COP1: variants seen among roughly 807,000 people sequenced by gnomAD.
The protein encoded by COP1 is COP1 E3 ubiquitin ligase, also known as E3 ubiquitin-protein ligase COP1.
In COP1, 24 loss-of-function variants were observed where a neutral mutation model predicts 101.3. That is an observed-to-expected ratio of 0.24 (90% CI 0.17 to 0.33). The LOEUF (loss-of-function observed/expected upper bound fraction) is 0.33. Among genes scored for constraint, COP1 ranks in the 10% least tolerant of loss-of-function variants. COP1 has a pLI of 1.00. For missense variants in COP1, 663 were observed against 906.2 expected (o/e 0.73, Z 3.45); for synonymous variants, 347 against 341.9 (o/e 1.01, Z -0.17).
intron 15 of COP1, among the ~76,000 whole-genome samples, chr1:175,996,954 C>A (rs1436960852): frequency 6.6e-6 from 1 of 151,488 alleles, no homozygotes; most frequent in East Asian, 1.9e-4. Flanking sequence ...AATCCTAAGC[C>A]AAAAGAACAA....
At chr1:176,058,089 G>A (rs1202971819) in intron 11 of COP1, among the ~76,000 whole-genome samples, 2 of 140,496 alleles carry the variant, frequency 1.4e-5, no homozygotes, top group Non-Finnish European at 3.2e-5. Context: ...GAGGTGGGGA[G>A]GTCAGCCCCC....
intron 6 of COP1, among the ~76,000 whole-genome samples, chr1:176,142,738 ATG>A (rs2149786639): frequency 6.6e-6 from 1 of 152,170 alleles, no homozygotes; most frequent in South Asian, 2.1e-4. Context: ...CAAAATCTCA[ATG>A]TTCAAGTAAT....
intron 1 of COP1, among the ~76,000 whole-genome samples, chr1:176,196,774 T>C (rs1699737725): frequency 6.6e-6 from 1 of 151,924 alleles, no homozygotes; most frequent in Admixed American, 6.6e-5. Flanking sequence ...GCACAGTGGT[T>C]CATGCCTATA....
At chr1:175,946,990 T>A (rs1649255875) in intron 19 of COP1, among the ~76,000 whole-genome samples, 1 of 152,174 alleles carries the variant, frequency 6.6e-6, no homozygotes, top group Non-Finnish European at 1.5e-5. Context: ...CCATCCAGCA[T>A]CCATACAACC....
chr1:175,990,681 T>C (rs989029215), intron 15 of COP1, among the ~76,000 whole-genome samples: 4 of 152,190 alleles, frequency 2.6e-5, no homozygotes, highest in Non-Finnish European at 5.9e-5. Context: ...GTGTTGATAA[T>C]TGATGTATCT....
At position 176,133,257 on chromosome 1, in the gene COP1, T is replaced by G. The variant is rs1689238954; in HGVS notation, c.968+1753A>C. On this transcript the variant is annotated intron_variant, in intron 8 of 19. Coordinates refer to ENST00000367669, the MANE Select transcript of COP1 (RefSeq NM_022457.7). ...ATATGTACGTAGGTACACACATACG[T>G]ATATACGTACGTATATATATACGTA... 2.0e-5 allele frequency among the ~76,000 whole-genome samples: 3 copies of G among 151,212 alleles called. No individual in the cohort carries two copies. The South Asian group carries it at 6.2e-4, about 31-fold the overall frequency.
rs1419106725 is a variant in COP1, at chr1:175,965,488, A to C, written c.2134-18249T>G. Among the ~76,000 whole-genome samples the C allele has an allele frequency of 2.0e-5, 3 of 151,982 alleles. No individual in the cohort carries two copies. The East Asian group carries it at 5.8e-4, about 29-fold the overall frequency. On this transcript the variant is annotated intron_variant, in intron 18 of 19. Transcript: ENST00000367669. ...ACACGCAGAATCATTCTTTTATTTA[A>C]AGCACTTTCTAGTACATCTTTTAAA... is the stretch of plus-strand genomic sequence containing the variant.
At chr1:176,096,293 A>C (rs1453811206) in intron 9 of COP1, among the ~76,000 whole-genome samples, 2 of 151,848 alleles carry the variant, frequency 1.3e-5, no homozygotes, top group Non-Finnish European at 2.9e-5. Context: ...CAGTAACAGC[A>C]CCTATCTTTT....
chr1:176,115,694 C>T (rs1043780510), intron 9 of COP1, among the ~76,000 whole-genome samples: 3 of 151,710 alleles, frequency 2.0e-5, no homozygotes, highest in Non-Finnish European at 2.9e-5. Context: ...TGCAGTGAGC[C>T]GAGATCGTAC....
intron 9 of COP1, among the ~76,000 whole-genome samples, chr1:176,096,938 T>A (rs977005310): frequency 2.0e-5 from 3 of 152,126 alleles, no homozygotes; most frequent in African/African-American, 7.2e-5. Context: ...TGGCCCGGGG[T>A]TCGATCCTGG....
rs144451569 is a variant in COP1, at chr1:176,154,765, C to T, written c.763-5691G>A. On this transcript the variant is annotated intron_variant, in intron 5 of 19. Coordinates refer to ENST00000367669, the MANE Select transcript of COP1 (RefSeq NM_022457.7). ...AGTTTACCTATATATAACAAACCTG[C>T]ACATGTACTCCTGAACTTAAAAGTT... Among the ~76,000 whole-genome samples the T allele has an allele frequency of 5.2e-3, 792 of 152,174 alleles. 11 individuals carry two copies. Among genetic ancestry groups the T allele is most frequent in the African/African-American group, 0.017 (707 of 41,516 alleles).
chr1:176,151,399 AAG>A (rs1692547836), intron 5 of COP1, among the ~76,000 whole-genome samples: 1 of 146,158 alleles, frequency 6.8e-6, no homozygotes, highest in African/African-American at 2.5e-5. Context: ...GAAAGAAAGA[AAG>A]AAAGAAAGAA....
At chr1:176,046,861 C>T (rs1485914818) in intron 11 of COP1, among the ~76,000 whole-genome samples, 1 of 151,874 alleles carries the variant, frequency 6.6e-6, no homozygotes, top group African/African-American at 2.4e-5. Flanking sequence ...CATTACTTTT[C>T]CCCAAATCCA....
Position 176,073,339 on chromosome 1 carries a change from T to G in COP1, c.1277+7813A>C, listed in dbSNP as rs574725358. On this transcript the variant is annotated intron_variant, in intron 11 of 19. Coordinates refer to ENST00000367669, the MANE Select transcript of COP1 (RefSeq NM_022457.7). ...TTACTAATGCTTGATACAACTCCATTCCAACAGTTTGAACAAACATAAGTA... is the reference window on the plus strand; with the variant it reads ...TTACTAATGCTTGATACAACTCCATGCCAACAGTTTGAACAAACATAAGTA... Among the ~76,000 whole-genome samples, 15 of 152,310 alleles carry G rather than the reference T, an allele frequency of 9.8e-5. 1 individual carries two copies. The South Asian group carries it at 3.1e-3, about 32-fold the overall frequency.
chr1:176,197,118 T>C (rs766008498), intron 1 of COP1, among the ~76,000 whole-genome samples: 10 of 152,216 alleles, frequency 6.6e-5, no homozygotes, highest in Non-Finnish European at 1.2e-4. Flanking sequence ...TACAGTCATA[T>C]TGGTGGACCC....
At chr1:175,969,431 G>A (rs1172027290) in intron 18 of COP1, among the ~76,000 whole-genome samples, 1 of 152,022 alleles carries the variant, frequency 6.6e-6, no homozygotes, top group Non-Finnish European at 1.5e-5. Flanking sequence ...TTCCAGAGTT[G>A]CCTATCCTTA....
intron 11 of COP1, among the ~76,000 whole-genome samples, chr1:176,047,164 CATTATTCCTCAAT>C (rs1478646091): frequency 6.6e-6 from 1 of 152,148 alleles, no homozygotes; most frequent in Non-Finnish European, 1.5e-5. Flanking sequence ...TCATCACATA[CATTATTCCTCAAT>C]ATGATTTAAG....
intron 8 of COP1, among the ~76,000 whole-genome samples, chr1:176,131,416 C>T (rs1166059634): frequency 2.0e-5 from 3 of 151,760 alleles, no homozygotes; most frequent in Non-Finnish European, 4.4e-5. Flanking sequence ...CATTATCTGG[C>T]TTCTGCTTTT....
chr1:175,982,351 G>C (rs1448310966), intron 18 of COP1: 1 of 456,514 alleles, frequency 2.2e-6, no homozygotes, highest in Non-Finnish European at 4.4e-6. Flanking sequence ...ACACAGGTTT[G>C]AACTGTGAGG....
Sources: allele counts gnomAD v4.1 joint callset (sites outside exome capture counted in the v4.1 genomes callset), GRCh38; gene constraint gnomAD v4.1.1; transcripts MANE v1.5; gene names NCBI Gene and HGNC (gene_info 2026-07-23, HGNC 2026-07-21).